Variants in RAB6B observed in about 807,000 individuals in gnomAD.
RAB6B encodes the protein RAB6B, member RAS oncogene family, also known as ras-related protein Rab-6B.
Under a neutral mutation model 31.2 loss-of-function variants are expected in RAB6B, and 7 were observed. That is an observed-to-expected ratio of 0.22 (90% CI 0.13 to 0.42). The LOEUF is 0.42. Among genes scored for constraint, RAB6B ranks in the 10% least tolerant of loss-of-function variants. The pLI, the probability that RAB6B is intolerant of heterozygous loss-of-function variation, is 1.00. For synonymous variants in RAB6B, 105 were observed against 104.9 expected, an observed-to-expected ratio of 1.00 and a Z score of -0.01; for missense variants, 149 against 280.6, an observed-to-expected ratio of 0.53 and a Z score of 3.35.
intron 4 of RAB6B, among the ~76,000 whole-genome samples, chr3:133,840,559 G>T (rs2715614): frequency 6.6e-6 from 1 of 152,224 alleles, no homozygotes; most frequent in Non-Finnish European, 1.5e-5. Flanking sequence ...ATGCACCAGC[G>T]CGGGGACATG....
intron 5 of RAB6B, among the ~76,000 whole-genome samples, chr3:133,838,846 C>G (rs1023728263): frequency 6.6e-6 from 1 of 152,162 alleles, no homozygotes; most frequent in African/African-American, 2.4e-5. Context: ...GGTCAAGGGA[C>G]GCTGCAGGAA....
chr3:133,894,471 T>A (rs1441961689), intron 1 of RAB6B: 1 of 152,348 alleles, frequency 6.6e-6, no homozygotes, highest in Non-Finnish European at 1.5e-5. Context: ...TCTGGCCGAC[T>A]GCCAGGGTGA....
At chr3:133,884,184 G>T (rs1936507091) in intron 1 of RAB6B, among the ~76,000 whole-genome samples, 1 of 152,238 alleles carries the variant, frequency 6.6e-6, no homozygotes, top group South Asian at 2.1e-4. Flanking sequence ...TACCAAGGTG[G>T]TGCTCAGTAA....
chr3:133,857,217 A>T (rs535079170), intron 2 of RAB6B, among the ~76,000 whole-genome samples: 1 of 152,152 alleles, frequency 6.6e-6, no homozygotes. Flanking sequence ...TTTAATACCT[A>T]TATGAGCCAT....
intron 7 of RAB6B, among the ~76,000 whole-genome samples, chr3:133,832,325 T>C (rs890722641): frequency 3.3e-5 from 5 of 151,938 alleles, no homozygotes; most frequent in African/African-American, 1.2e-4. Flanking sequence ...GGCAGAAGTA[T>C]TGGCCAGAGC....
intron 1 of RAB6B, among the ~76,000 whole-genome samples, chr3:133,882,965 T>C (rs1004048077): frequency 6.6e-6 from 1 of 152,218 alleles, no homozygotes; most frequent in East Asian, 1.9e-4. Flanking sequence ...AATCAGGGGA[T>C]AATTTCCAGA....
intron 5 of RAB6B, among the ~76,000 whole-genome samples, chr3:133,839,170 T>C (rs1273061865): frequency 6.6e-6 from 1 of 152,230 alleles, no homozygotes; most frequent in African/African-American, 2.4e-5. Flanking sequence ...CGCTGGGGCC[T>C]AGAGGACTGC....
At position 133,825,596 on chromosome 3, in the gene RAB6B, T is replaced by A. The variant is rs1576388887; in HGVS notation, c.*3192A>T. On this transcript the variant is annotated 3_prime_UTR_variant, in exon 8 of 8. Transcript: ENST00000285208. The stretch of plus-strand genomic sequence containing the variant: ...TGATTCTGATGTCACACCTTCATGT[T>A]GATGTATGTATGATCACCCAGCAAG... The A allele has an allele frequency of 6.6e-6, 1 of 152,360 alleles. No homozygotes were observed. Among genetic ancestry groups the A allele is most frequent in the Non-Finnish European group, 1.5e-5 (1 of 68,038 alleles). The allele number at this position is 152,360 out of a possible 1,614,324, so 9.4% of individuals were successfully genotyped here. A position where few individuals can be genotyped will look rare whatever the true frequency, so the allele number is the denominator to read the frequency against.
chr3:133,866,913 A>C (rs942052045), intron 1 of RAB6B, among the ~76,000 whole-genome samples: 1 of 152,258 alleles, frequency 6.6e-6, no homozygotes, highest in African/African-American at 2.4e-5. Flanking sequence ...CTTGCACCTT[A>C]GGGAAAGGTG....
At chr3:133,892,484 T>A (rs1449663635) in intron 1 of RAB6B, among the ~76,000 whole-genome samples, 1 of 152,144 alleles carries the variant, frequency 6.6e-6, no homozygotes, top group Admixed American at 6.5e-5. Context: ...GATGTCCACC[T>A]GCGATTATCT....
chr3:133,828,950 T>C, intron 7 of RAB6B, 98 bp from the exon 8 acceptor site: 1 of 1,148,788 alleles, frequency 8.7e-7, no homozygotes. Context: ...TCTGTTTCTC[T>C]GCAAACACCT....
At chr3:133,873,696 G>A (rs188857147) in intron 1 of RAB6B, among the ~76,000 whole-genome samples, 15 of 152,274 alleles carry the variant, frequency 9.9e-5, no homozygotes, top group Non-Finnish European at 1.6e-4. Context: ...AAAATGTGAC[G>A]TTTTAATATA....
chr3:133,885,149 G>A (rs1319795612), intron 1 of RAB6B, among the ~76,000 whole-genome samples: 2 of 149,502 alleles, frequency 1.3e-5, no homozygotes, highest in Non-Finnish European at 3.0e-5. Context: ...ATGGCTAGAG[G>A]ATGGGCTGCT....
chr3:133,867,358 A>G (rs2108005342), intron 1 of RAB6B, among the ~76,000 whole-genome samples: 1 of 152,334 alleles, frequency 6.6e-6, no homozygotes, highest in African/African-American at 2.4e-5. Flanking sequence ...ACATGAGAAC[A>G]GTAAACAGAG....
At chr3:133,839,403 A>G in intron 5 of RAB6B, 103 bp downstream of exon 5, 2 of 1,010,632 alleles carry the variant, frequency 2.0e-6, no homozygotes, top group Non-Finnish European at 3.1e-6. Context: ...ATGCATGGTC[A>G]GAAGCACAGA....
chr3:133,888,523 C>T (rs1936585903), intron 1 of RAB6B, among the ~76,000 whole-genome samples: 1 of 152,200 alleles, frequency 6.6e-6, no homozygotes, highest in South Asian at 2.1e-4. Flanking sequence ...GTATGTCAGC[C>T]CCTTGGGACA....
intron 1 of RAB6B, among the ~76,000 whole-genome samples, chr3:133,888,427 G>A (rs1015126891): frequency 4.6e-5 from 7 of 152,200 alleles, no homozygotes; most frequent in Non-Finnish European, 1.0e-4. Flanking sequence ...TGCATTTCCT[G>A]GAAGTAACCT....
chr3:133,880,912 T>A (rs1936458178), intron 1 of RAB6B, among the ~76,000 whole-genome samples: 1 of 152,170 alleles, frequency 6.6e-6, no homozygotes, highest in Admixed American at 6.5e-5. Flanking sequence ...CAGTGAAATT[T>A]AAGAGATGAA....
chr3:133,863,439 A>G (rs1220392749), intron 2 of RAB6B, among the ~76,000 whole-genome samples: 1 of 152,200 alleles, frequency 6.6e-6, no homozygotes, highest in African/African-American at 2.4e-5. Context: ...AAATCCAGAA[A>G]GGAGGAGGGA....
Sources: allele counts gnomAD v4.1 joint callset (sites outside exome capture counted in the v4.1 genomes callset), GRCh38; gene constraint gnomAD v4.1.1; transcripts MANE v1.5; gene names NCBI Gene and HGNC (gene_info 2026-07-23, HGNC 2026-07-21).